The following FBXL20 variants were observed in gnomAD, a reference collection of about 807,000 sequenced individuals.
FBXL20 encodes F-box/LRR-repeat protein 20.
A neutral mutation model predicts 64.0 loss-of-function variants in FBXL20; 11 were observed. The observed-to-expected ratio is 0.17, with a 90% CI of 0.11 to 0.28. The LOEUF is 0.28. FBXL20 is among the 10% of genes least tolerant of loss of function. The pLI is 1.00. For missense variants in FBXL20, 303 were observed against 526.2 expected (o/e 0.58, Z 4.15); for synonymous variants, 184 against 189.0 (o/e 0.97, Z 0.22).
At chr17:39,273,821 G>GAAAAAAAAAAAA (rs56218843) in intron 10 of FBXL20, among the ~76,000 whole-genome samples, 1 of 134,740 alleles carries the variant, frequency 7.4e-6, no homozygotes. Flanking sequence ...CTCTGTTTCA[G>GAAAAAAAAAAAA]AAAAAAAAAA....
intron 1 of FBXL20, among the ~76,000 whole-genome samples, chr17:39,356,760 A>G (rs984519644): frequency 2.0e-5 from 3 of 151,644 alleles, no homozygotes; most frequent in Middle Eastern, 3.2e-3. Flanking sequence ...GGCTCAAGCA[A>G]TTCTACCACC....
chr17:39,381,783 A>G lies in FBXL20; in HGVS notation c.42+19578T>C, dbSNP rs575265933. Among the ~76,000 whole-genome samples, 48 of 143,556 alleles carry G rather than the reference A, an allele frequency of 3.3e-4. No homozygotes were observed. In the East Asian group the frequency reaches 6.2e-3, roughly 18 times the overall value. The allele number at this position is 143,556 out of a possible 152,430, so 94.2% of individuals were successfully genotyped here. On this transcript the variant is annotated intron_variant, in intron 1 of 14. Coordinates refer to ENST00000264658, the MANE Select transcript of FBXL20 (RefSeq NM_032875.3). ...ACTCCAGCCTGGGTGACAGAGCAAG[A>G]CCCTCTCTGAAGGGAAAAAAAAAAA...
At chr17:39,382,424 CAGAGAG>C (rs952525208) in intron 1 of FBXL20, among the ~76,000 whole-genome samples, 2 of 118,040 alleles carry the variant, frequency 1.7e-5, no homozygotes, top group East Asian at 4.8e-4. Context: ...GCCACAGCAA[CAGAGAG>C]AGACTCCATC....
At chr17:39,298,193 T>C (rs1265012327) in intron 5 of FBXL20, among the ~76,000 whole-genome samples, 1 of 152,026 alleles carries the variant, frequency 6.6e-6, no homozygotes, top group Non-Finnish European at 1.5e-5. Context: ...CAGCTCACTG[T>C]AGCCTCAACC....
At chr17:39,376,383 C>T (rs1205042146) in intron 1 of FBXL20, among the ~76,000 whole-genome samples, 1 of 152,092 alleles carries the variant, frequency 6.6e-6, no homozygotes, top group Non-Finnish European at 1.5e-5. Context: ...AACCAAAAAG[C>T]TTAAAAGAGA....
At chr17:39,356,369 G>A (rs2047740439) in intron 1 of FBXL20, among the ~76,000 whole-genome samples, 1 of 151,842 alleles carries the variant, frequency 6.6e-6, no homozygotes, top group Admixed American at 6.6e-5. Context: ...CATCTGTTTT[G>A]TTTTGAGACA....
At chr17:39,321,464 CAAAAAAAA>C (rs71147318) in intron 2 of FBXL20, among the ~76,000 whole-genome samples, 3 of 88,286 alleles carry the variant, frequency 3.4e-5, no homozygotes, top group Non-Finnish European at 7.0e-5. Flanking sequence ...GAATCTGTCT[CAAAAAAAA>C]AAAAAAAAGA....
chr17:39,359,266 G>T (rs911641630), intron 1 of FBXL20, among the ~76,000 whole-genome samples: 1 of 152,190 alleles, frequency 6.6e-6, no homozygotes, highest in African/African-American at 2.4e-5. Flanking sequence ...AGTCCAGGAG[G>T]TGGAAGTTGC....
intron 3 of FBXL20, among the ~76,000 whole-genome samples, chr17:39,302,006 G>A (rs1323692599): frequency 7.0e-6 from 1 of 143,702 alleles, no homozygotes; most frequent in Non-Finnish European, 1.5e-5. Flanking sequence ...TTTCTAACTG[G>A]AAAATTCTAG....
chr17:39,402,366 C>T, upstream of FBXL20: 2 of 500,404 alleles, frequency 4.0e-6, no homozygotes, highest in Non-Finnish European at 3.1e-6. Flanking sequence ...GGGGCCGGGG[C>T]CGGACGCTTG....
chr17:39,280,630 G>T (rs2046941483), intron 9 of FBXL20, among the ~76,000 whole-genome samples: 1 of 151,872 alleles, frequency 6.6e-6, no homozygotes, highest in Non-Finnish European at 1.5e-5. Context: ...CTAGGTGCCT[G>T]AATAGTTTCA....
chr17:39,322,812 T>A (rs1373134942), intron 2 of FBXL20, among the ~76,000 whole-genome samples: 3 of 152,118 alleles, frequency 2.0e-5, no homozygotes, highest in Non-Finnish European at 4.4e-5. Flanking sequence ...TATTTTATTT[T>A]TTTATTTTTT....
intron 1 of FBXL20, among the ~76,000 whole-genome samples, chr17:39,343,966 C>T (rs958087337): frequency 1.3e-5 from 2 of 152,128 alleles, no homozygotes; most frequent in African/African-American, 2.4e-5. Flanking sequence ...TAGGTTCAAG[C>T]AATTCTCCTG....
intron 1 of FBXL20, among the ~76,000 whole-genome samples, chr17:39,390,644 C>T (rs1467593492): frequency 6.6e-6 from 1 of 151,890 alleles, no homozygotes; most frequent in East Asian, 1.9e-4. Flanking sequence ...GGAGGATGGC[C>T]TGGGCCCCAG....
upstream of FBXL20, chr17:39,401,854 G>A (rs2048250267): frequency 2.4e-6 from 1 of 415,012 alleles, no homozygotes; most frequent in Non-Finnish European, 3.6e-6. Flanking sequence ...CTGCGCCTCC[G>A]AGGCAGACGA....
chr17:39,398,040 CGGGGG>C (rs56842905), intron 1 of FBXL20, among the ~76,000 whole-genome samples: 29 of 56,704 alleles, frequency 5.1e-4, no homozygotes, highest in Non-Finnish European at 7.2e-4. Context: ...GGCCGGCGGG[CGGGGG>C]GGGGGGGGGG....
intron 4 of FBXL20, 141 bp downstream of exon 4, chr17:39,300,860 G>A (rs1385548290): frequency 1.4e-6 from 1 of 690,388 alleles, no homozygotes; most frequent in South Asian, 2.2e-5. Flanking sequence ...TGGTAACTTT[G>A]GGGGTTCCTG....
At chr17:39,401,679 C>A, upstream of FBXL20, 1 of 1,265,378 alleles carries the variant, frequency 7.9e-7, no homozygotes, top group South Asian at 1.8e-5. Context: ...CCAGCAACGC[C>A]GCTGCTCATT....
intron 1 of FBXL20, among the ~76,000 whole-genome samples, chr17:39,352,442 G>C (rs574654880): frequency 1.3e-5 from 2 of 152,016 alleles, no homozygotes; most frequent in East Asian, 3.9e-4. Context: ...CAGCACTTTC[G>C]GAGGCTGAGG....
Sources: gnomAD v4.1 joint callset for allele counts (sites outside exome capture counted in the v4.1 genomes callset) on GRCh38, gnomAD v4.1.1 for gene constraint, MANE v1.5 for transcripts, NCBI Gene and HGNC (gene_info 2026-07-23, HGNC 2026-07-21) for gene names.